Variants in BPIFC observed in about 807,000 individuals in gnomAD.
BPIFC encodes BPI fold containing family C.
Under a neutral mutation model 57.6 loss-of-function variants are expected in BPIFC, and 60 were observed. The ratio of observed to expected loss-of-function variants is 1.04; its 90% CI spans 0.85 to 1.29. The LOEUF is 1.29. BPIFC is among the 50% of genes most tolerant of loss of function. The pLI is 0.00. For missense variants in BPIFC, 581 were observed against 600.5 expected (o/e 0.97, Z 0.34); for synonymous variants, 243 against 224.5 (o/e 1.08, Z -0.74).
At chr22:32,453,885 C>T (rs1307415428) in intron 3 of BPIFC, among the ~76,000 whole-genome samples, 2 of 151,926 alleles carry the variant, frequency 1.3e-5, no homozygotes, top group Non-Finnish European at 2.9e-5. Context: ...GAGTTTGAAA[C>T]CAGTCTGGGA....
At chr22:32,436,664 G>C (rs1298973961) in intron 9 of BPIFC, among the ~76,000 whole-genome samples, 1 of 152,182 alleles carries the variant, frequency 6.6e-6, no homozygotes, top group Non-Finnish European at 1.5e-5. Flanking sequence ...GACAAAGAAG[G>C]AGGTGTATTT....
At chr22:32,443,551 T>G (rs974944772) in intron 7 of BPIFC, among the ~76,000 whole-genome samples, 1 of 152,232 alleles carries the variant, frequency 6.6e-6, no homozygotes, top group African/African-American at 2.4e-5. Flanking sequence ...TGTTGCCACC[T>G]TTTTGGAATT....
chr22:32,460,044 G>C (rs920076112), intron 2 of BPIFC, among the ~76,000 whole-genome samples: 1 of 152,096 alleles, frequency 6.6e-6, no homozygotes, highest in Admixed American at 6.5e-5. Flanking sequence ...TTGATTAAGG[G>C]GGGTGAGTAG....
intron 12 of BPIFC, 25 bp from the exon 13 acceptor site, chr22:32,431,439 A>ATTTATTTATTTATTTTATTTATTTTTTT: frequency 3.0e-6 from 4 of 1,343,076 alleles, no homozygotes; most frequent in Non-Finnish European, 4.2e-6. Flanking sequence ...AGCATTTATT[A>ATTTATTTATTTATTTTATTTATTTTTTT]TTAAGACGAG....
chr22:32,435,908 T>C (rs1348848098), intron 9 of BPIFC, 28 bp from the exon 10 acceptor site: 2 of 1,588,102 alleles, frequency 1.3e-6, no homozygotes, highest in African/African-American at 2.7e-5. Context: ...GAAAGACCAG[T>C]GTATCAGGTG....
rs1569448225 is a variant in BPIFC at position 32,424,741 on chromosome 22, C to CTTCT, written c.1218-5338_1218-5337insAGAA. Among the ~76,000 whole-genome samples the CTTCT allele has an allele frequency of 6.8e-5, 3 of 44,358 alleles. 1 individual carries two copies. The highest frequency in any genetic ancestry group is 4.1e-4 in the African/African-American group (3 of 7,312). 29.1% of individuals were successfully genotyped at this position (44,358 alleles called of 152,430 possible). On this transcript the variant is annotated intron_variant, in intron 13 of 16. Coordinates refer to ENST00000300399, the MANE Select transcript of BPIFC (RefSeq NM_174932.3). ...CCTCTTCTTCTTCCTCTTCTTCTTCCTCTTCTTCTTCCTCTTCTTCTTCTT... is the reference window on the plus strand; with the variant it reads ...CCTCTTCTTCTTCCTCTTCTTCTTCCTTCTTCTTCTTCTTCCTCTTCTTCTTCTT...
intron 13 of BPIFC, among the ~76,000 whole-genome samples, chr22:32,430,161 G>A (rs1827852788): frequency 6.6e-6 from 1 of 152,214 alleles, no homozygotes; most frequent in Admixed American, 6.5e-5. Flanking sequence ...CCATGGGGAA[G>A]ATCTTGTTAA....
At chr22:32,449,581 T>A (rs1420382099) in intron 4 of BPIFC, among the ~76,000 whole-genome samples, 1 of 152,178 alleles carries the variant, frequency 6.6e-6, no homozygotes, top group East Asian at 1.9e-4. Context: ...CAATTCTTTA[T>A]AACTGCTGCA....
chr22:32,435,180 T>C (rs1934355674), intron 10 of BPIFC, among the ~76,000 whole-genome samples: 1 of 152,148 alleles, frequency 6.6e-6, no homozygotes, highest in African/African-American at 2.4e-5. Flanking sequence ...TGAAATTACC[T>C]CTAAGGTCAC....
intron 13 of BPIFC, among the ~76,000 whole-genome samples, chr22:32,427,698 T>C (rs930344813): frequency 1.3e-5 from 2 of 152,126 alleles, no homozygotes; most frequent in African/African-American, 4.8e-5. Flanking sequence ...CTGGCTTTCA[T>C]CCTCTGTATT....
intron 8 of BPIFC, among the ~76,000 whole-genome samples, chr22:32,438,435 T>A (rs1934471568): frequency 6.6e-6 from 1 of 152,138 alleles, no homozygotes; most frequent in South Asian, 2.1e-4. Flanking sequence ...TCTATCACCC[T>A]GACTGGAGTG....
intron 5 of BPIFC, chr22:32,446,730 C>T (rs1568955669): frequency 4.1e-6 from 4 of 985,104 alleles, no homozygotes; most frequent in Middle Eastern, 5.2e-4. Context: ...TGTAAAAGTA[C>T]CTTGAATCTG....
rs568295849 is a variant in BPIFC at position 32,453,953 on chromosome 22, A to AG, written c.125-451_125-450insC. Among the ~76,000 whole-genome samples, 167 of 150,632 alleles carry AG rather than the reference A, an allele frequency of 1.1e-3. 1 individual carries two copies. The highest frequency in any genetic ancestry group is 1.4e-3 in the Non-Finnish European group (93 of 67,578). On this transcript the variant is annotated intron_variant, in intron 3 of 16. Transcript: ENST00000300399. ...AACAACAACAACAACAAAAAAAAAA[A>AG]TTAAAAAATTAGCTGGGCATAATGG...
chr22:32,423,490 G>C (rs1274030168), intron 13 of BPIFC, among the ~76,000 whole-genome samples: 1 of 151,950 alleles, frequency 6.6e-6, no homozygotes, highest in Non-Finnish European at 1.5e-5. Context: ...AGCTTGAGGA[G>C]TAGAGTTAGG....
chr22:32,419,351 C>T lies in BPIFC; in HGVS notation c.1260+11G>A. ...CCAGTGCTTGGTAACCCCAAGAGCT[C>T]AGATTCCTACCTCAATGTTGCTGCG... On this transcript the variant is annotated intron_variant, in intron 14 of 16. Transcript: ENST00000300399. 1 of 1,612,228 alleles carries T rather than the reference C, an allele frequency of 6.2e-7. No homozygotes were observed. The highest frequency in any genetic ancestry group is 8.5e-7 in the Non-Finnish European group (1 of 1,178,574).
chr22:32,418,876 A>C (rs958842220), intron 14 of BPIFC, among the ~76,000 whole-genome samples: 2 of 152,112 alleles, frequency 1.3e-5, no homozygotes, highest in African/African-American at 4.8e-5. Context: ...TCTTCCAATC[A>C]GAAAGTCACA....
intron 13 of BPIFC, 126 bp downstream of exon 13, chr22:32,431,221 C>T: frequency 2.7e-6 from 2 of 729,120 alleles, no homozygotes; most frequent in Non-Finnish European, 4.4e-6. Context: ...TCAAGCGATT[C>T]TCCTGCCTCA....
intron 2 of BPIFC, among the ~76,000 whole-genome samples, chr22:32,459,988 A>G (rs1177363995): frequency 2.0e-5 from 3 of 152,208 alleles, no homozygotes; most frequent in Admixed American, 2.0e-4. Context: ...GAAGGAAAAG[A>G]GGTCACTGTA....
intron 13 of BPIFC, among the ~76,000 whole-genome samples, chr22:32,422,757 G>T (rs558801070): frequency 1.3e-5 from 2 of 152,116 alleles, no homozygotes; most frequent in South Asian, 4.2e-4. Context: ...GTAGGCTAGA[G>T]TTGTGTGTGT....
Sources: gnomAD v4.1 joint callset for allele counts (sites outside exome capture counted in the v4.1 genomes callset) on GRCh38, gnomAD v4.1.1 for gene constraint, MANE v1.5 for transcripts, NCBI Gene and HGNC (gene_info 2026-07-23, HGNC 2026-07-21) for gene names.